Variants in EYA4 observed in about 807,000 individuals in gnomAD.
EYA4 encodes the protein EYA transcriptional coactivator and phosphatase 4, also known as protein phosphatase EYA4.
Under a neutral mutation model 87.9 loss-of-function variants are expected in EYA4, and 31 were observed. That is an observed-to-expected ratio of 0.35 (90% confidence interval 0.27 to 0.48). The LOEUF (loss-of-function observed/expected upper bound fraction) is 0.48, where lower values mean the gene tolerates loss of function less well. Among genes scored for constraint, EYA4 ranks in the 20% least tolerant of loss-of-function variants. EYA4 has a pLI of 0.99. For synonymous variants in EYA4, 263 were observed against 270.6 expected (o/e 0.97, Z 0.28); for missense variants, 678 against 761.4 (o/e 0.89, Z 1.29).
intron 3 of EYA4, among the ~76,000 whole-genome samples, chr6:133,389,005 CCT>C (rs111739176): frequency 0.021 from 3,149 of 152,252 alleles, 80 homozygotes; most frequent in East Asian, 0.086. Flanking sequence ...CTGCTACTTG[CCT>C]CTCTCCACAG....
rs542567138 is a variant in EYA4 at position 133,359,197 on chromosome 6, A to G, written c.34-23195A>G. Reference sequence around the variant, plus strand: ...CAGAAGACTTTTTTTGTTTCCATGTATAGACACTGAGGGTTAAGGGGGCTG... The same window carrying G: ...CAGAAGACTTTTTTTGTTTCCATGTGTAGACACTGAGGGTTAAGGGGGCTG... On this transcript the variant is annotated intron_variant, in intron 2 of 19. Transcript: ENST00000355286. Among the ~76,000 whole-genome samples the G allele has an allele frequency of 1.2e-4, 19 of 152,310 alleles. No homozygotes were observed. The South Asian group carries it at 3.9e-3, about 32-fold the overall frequency.
intron 14 of EYA4, among the ~76,000 whole-genome samples, chr6:133,511,461 T>G (rs1242046892): frequency 6.6e-6 from 1 of 151,302 alleles, no homozygotes; most frequent in Non-Finnish European, 1.5e-5. Flanking sequence ...ATGTAGTTAT[T>G]TATTATAAAT....
At chr6:133,424,518 C>G (rs1314441105) in intron 3 of EYA4, among the ~76,000 whole-genome samples, 2 of 144,878 alleles carry the variant, frequency 1.4e-5, no homozygotes, top group Non-Finnish European at 3.0e-5. Context: ...CACCCCCCCC[C>G]CAGCCTATAA....
chr6:133,400,979 C>T (rs146527126), intron 3 of EYA4, among the ~76,000 whole-genome samples: 4 of 152,206 alleles, frequency 2.6e-5, no homozygotes, highest in African/African-American at 9.6e-5. Flanking sequence ...TCCCTCTCTT[C>T]TGGAATCAAC....
chr6:133,361,953 A>G (rs1218347188), intron 2 of EYA4, among the ~76,000 whole-genome samples: 1 of 152,200 alleles, frequency 6.6e-6, no homozygotes, highest in Non-Finnish European at 1.5e-5. Context: ...TAGGCCAGTG[A>G]CCCAATCTAG....
At chr6:133,275,175 G>A (rs58707513) in intron 2 of EYA4, among the ~76,000 whole-genome samples, 16,162 of 152,178 alleles carry the variant, frequency 0.11, 963 homozygotes, top group African/African-American at 0.13. Context: ...AAAGGAGAAA[G>A]TATATTATTA....
intron 17 of EYA4, among the ~76,000 whole-genome samples, chr6:133,522,830 G>A (rs1800300621): frequency 1.3e-5 from 2 of 152,098 alleles, no homozygotes; most frequent in South Asian, 4.1e-4. Context: ...TTGTTTTGAC[G>A]AAATATTTTG....
In EYA4 at chr6:133,354,590, T is replaced by C. The variant is rs1308710982; in HGVS notation, c.34-27802T>C. 3.9e-5 allele frequency among the ~76,000 whole-genome samples: 6 copies of C among 152,322 alleles called. No homozygotes were observed. The East Asian group carries it at 1.2e-3, about 29-fold the overall frequency. On this transcript the variant is annotated intron_variant, in intron 2 of 19. Transcript: ENST00000355286. ...GTATGCAGCAGAAAGGGAAAACAAA[T>C]TCTTTGCTCTCTGATTCTAAATATG...
chr6:133,480,534 C>T (rs925462857), intron 11 of EYA4, among the ~76,000 whole-genome samples: 3 of 152,088 alleles, frequency 2.0e-5, no homozygotes, highest in Non-Finnish European at 4.4e-5. Flanking sequence ...AAGCATAGAA[C>T]ACTGCACAAC....
chr6:133,379,476 G>A (rs1785986906), intron 2 of EYA4, among the ~76,000 whole-genome samples: 1 of 151,996 alleles, frequency 6.6e-6, no homozygotes, highest in African/African-American at 2.4e-5. Context: ...AAATAAGATA[G>A]GGTTTTGAAG....
chr6:133,410,486 C>T (rs1201770426), intron 3 of EYA4, among the ~76,000 whole-genome samples: 2 of 149,188 alleles, frequency 1.3e-5, no homozygotes, highest in Non-Finnish European at 3.0e-5. Context: ...TGGATAATTA[C>T]TATTAAGGTC....
At chr6:133,435,028 G>A (rs1201076481) in intron 3 of EYA4, 2 of 152,106 alleles carry the variant, frequency 1.3e-5, no homozygotes, top group Non-Finnish European at 2.9e-5. Flanking sequence ...TTATTTCTTT[G>A]TTTTCCGATT....
intron 10 of EYA4, among the ~76,000 whole-genome samples, chr6:133,466,313 G>C (rs917372930): frequency 6.6e-6 from 1 of 152,136 alleles, no homozygotes; most frequent in African/African-American, 2.4e-5. Context: ...GAACAGATCT[G>C]ATTCTCTGTG....
At chr6:133,340,186 A>G (rs937871562) in intron 2 of EYA4, among the ~76,000 whole-genome samples, 4 of 152,054 alleles carry the variant, frequency 2.6e-5, no homozygotes, top group African/African-American at 9.7e-5. Context: ...AAACATGGGC[A>G]AAAGTCATTC....
Position 133,515,444 on chromosome 6 carries a change from A to C in EYA4, c.1616+9A>C, listed in dbSNP as rs1799507815. 4 of 1,374,194 alleles carry C rather than the reference A, an allele frequency of 2.9e-6. No homozygotes were observed. Among genetic ancestry groups the C allele is most frequent in the Non-Finnish European group, 1.0e-6 (1 of 960,878 alleles). 85.1% of individuals were successfully genotyped at this position (1,374,194 alleles called of 1,614,324 possible). A position where few individuals can be genotyped will look rare whatever the true frequency, so the allele number is the denominator to read the frequency against. ...TCAATTATTAGCACTAGGTAAGTGGAATTGTTACCTTTCTATGTGTATCGT... is the reference window on the plus strand; with the variant it reads ...TCAATTATTAGCACTAGGTAAGTGGCATTGTTACCTTTCTATGTGTATCGT... On this transcript the variant is annotated intron_variant, in intron 17 of 19. Coordinates refer to ENST00000355286, the MANE Select transcript of EYA4 (RefSeq NM_004100.5).
At chr6:133,328,909 A>G (rs1781708504) in intron 2 of EYA4, among the ~76,000 whole-genome samples, 1 of 152,150 alleles carries the variant, frequency 6.6e-6, no homozygotes, top group Non-Finnish European at 1.5e-5. Context: ...ATATTAAGTT[A>G]AACAAATCGA....
intron 13 of EYA4, among the ~76,000 whole-genome samples, chr6:133,490,117 TGA>T (rs1462807847): frequency 6.6e-6 from 1 of 152,158 alleles, no homozygotes; most frequent in Non-Finnish European, 1.5e-5. Context: ...TTTCAATTAA[TGA>T]GTTATATTAT....
chr6:133,478,737 C>T (rs1795955753), intron 11 of EYA4, among the ~76,000 whole-genome samples: 1 of 152,144 alleles, frequency 6.6e-6, no homozygotes, highest in Non-Finnish European at 1.5e-5. Flanking sequence ...TGAAAAGCAT[C>T]AATGGGAATA....
At chr6:133,271,101 T>C (rs1298640045) in intron 1 of EYA4, among the ~76,000 whole-genome samples, 1 of 152,156 alleles carries the variant, frequency 6.6e-6, no homozygotes, top group African/African-American at 2.4e-5. Flanking sequence ...TGGTGAGTGG[T>C]GCCACTTCCA....
Sources: allele counts gnomAD v4.1 joint callset (sites outside exome capture counted in the v4.1 genomes callset), GRCh38; gene constraint gnomAD v4.1.1; transcripts MANE v1.5; gene names NCBI Gene and HGNC (gene_info 2026-07-23, HGNC 2026-07-21).